The following SCG3 variants were observed in gnomAD, a reference collection of about 807,000 sequenced individuals.
SCG3 encodes secretogranin-3.
A neutral mutation model predicts 56.2 loss-of-function variants in SCG3; 38 were observed. The ratio of observed to expected loss-of-function variants is 0.68; its 90% CI spans 0.52 to 0.89. The LOEUF (loss-of-function observed/expected upper bound fraction) is 0.89. Among genes scored for constraint, SCG3 ranks in the 40% least tolerant of loss-of-function variants. The pLI, the probability that SCG3 is intolerant of heterozygous loss-of-function variation, is 0.00. For synonymous variants in SCG3, 176 were observed against 184.2 expected, an observed-to-expected ratio of 0.96 and a Z score of 0.36; for missense variants, 524 against 540.7, an observed-to-expected ratio of 0.97 and a Z score of 0.31.
At chr15:51,682,065 T>A (rs1005430491) in intron 1 of SCG3, among the ~76,000 whole-genome samples, 1 of 152,198 alleles carries the variant, frequency 6.6e-6, no homozygotes, top group Non-Finnish European at 1.5e-5. Context: ...AGATCTTATT[T>A]TGAAAAGGGA....
At chr15:51,686,994 G>C (rs1371185871) in intron 4 of SCG3, among the ~76,000 whole-genome samples, 2 of 152,210 alleles carry the variant, frequency 1.3e-5, no homozygotes, top group African/African-American at 4.8e-5. Flanking sequence ...TGGAAGAAAA[G>C]AGCAGAATCA....
chr15:51,692,053 A>G (rs549052226), intron 6 of SCG3, 106 bp from the exon 7 acceptor site: 1 of 1,056,514 alleles, frequency 9.5e-7, no homozygotes, highest in Non-Finnish European at 1.4e-6. Flanking sequence ...AACGAGGGGG[A>G]ATTCTTGCAC....
At chr15:51,715,753 C>T (rs888063268) in intron 11 of SCG3, among the ~76,000 whole-genome samples, 9 of 152,126 alleles carry the variant, frequency 5.9e-5, no homozygotes, top group Admixed American at 3.9e-4. Flanking sequence ...ACAGTAATAG[C>T]CGTGTCATAA....
At chr15:51,689,166 A>C in intron 5 of SCG3, 53 bp from the exon 6 acceptor site, 4 of 1,559,680 alleles carry the variant, frequency 2.6e-6, no homozygotes, top group Non-Finnish European at 3.5e-6. Context: ...ATTATTTTTT[A>C]ATAACAAGAC....
intron 8 of SCG3, among the ~76,000 whole-genome samples, chr15:51,696,557 A>G (rs533338831): frequency 2.0e-5 from 3 of 152,196 alleles, no homozygotes; most frequent in Non-Finnish European, 4.4e-5. Flanking sequence ...TCTCAGATAA[A>G]TAAATAGGAA....
chr15:51,704,262 TATATATATATATATATAA>T (rs1567220886), intron 10 of SCG3, among the ~76,000 whole-genome samples: 31 of 135,004 alleles, frequency 2.3e-4, no homozygotes, highest in African/African-American at 9.3e-4. Context: ...TATATATATA[TATATATATATATATATAA>T]AATAGCTCTT....
At chr15:51,707,344 T>C (rs967164022) in intron 10 of SCG3, among the ~76,000 whole-genome samples, 4 of 152,200 alleles carry the variant, frequency 2.6e-5, no homozygotes, top group African/African-American at 9.6e-5. Flanking sequence ...TTCCTGTGGA[T>C]ACACTTATTT....
chr15:51,693,158 C>T lies in SCG3; in HGVS notation c.868+822C>T, dbSNP rs540652908. 16 of 152,232 alleles carry T rather than the reference C, an allele frequency of 1.1e-4. No individual in the cohort carries two copies. The East Asian group carries it at 2.3e-3, about 22-fold the overall frequency. The allele number at this position is 152,232 out of a possible 1,614,324, so 9.4% of individuals were successfully genotyped here. On this transcript the variant is annotated intron_variant, in intron 7 of 11. Coordinates refer to ENST00000220478, the MANE Select transcript of SCG3 (RefSeq NM_013243.4). ...ACAGTATTTGTCTTTCTTTGCCTGC[C>T]TTTTTTTATTAGCATACATGTTGTC...
At chr15:51,713,465 T>C in intron 11 of SCG3, 52 bp downstream of exon 11, 1 of 1,214,530 alleles carries the variant, frequency 8.2e-7, no homozygotes, top group African/African-American at 1.5e-5. Context: ...TGTCAGGGGC[T>C]CTTGTTATAT....
chr15:51,706,781 CA>C (rs1445337934), intron 10 of SCG3, among the ~76,000 whole-genome samples: 1 of 151,978 alleles, frequency 6.6e-6, no homozygotes, highest in Admixed American at 6.6e-5. Flanking sequence ...ATGTAAAAAA[CA>C]GCCAACTTCA....
At chr15:51,697,622 A>C (rs2141568260) in intron 8 of SCG3, among the ~76,000 whole-genome samples, 1 of 152,346 alleles carries the variant, frequency 6.6e-6, no homozygotes, top group South Asian at 2.1e-4. Context: ...GGAGCAAAGC[A>C]GTGAAAATAG....
At position 51,718,552 on chromosome 15, in the gene SCG3, T is replaced by G. The variant is rs539253307; in HGVS notation, c.1289-856T>G. Among the ~76,000 whole-genome samples, 3 of 152,126 alleles carry G rather than the reference T, an allele frequency of 2.0e-5. No individual in the cohort carries two copies. The South Asian group carries it at 6.2e-4, about 32-fold the overall frequency. On this transcript the variant is annotated intron_variant, in intron 11 of 11. Transcript: ENST00000220478. ...TTTATACCCACTCTCTCCTTTCTCT[T>G]CTCCTCACCAACTAACAGAAAGCAG...
In SCG3 at chr15:51,714,624, C is replaced by G. The variant is rs1311731447; in HGVS notation, c.1288+1211C>G. Among the ~76,000 whole-genome samples the G allele has an allele frequency of 2.0e-5, 3 of 152,348 alleles. No homozygotes were observed. The East Asian group carries it at 5.8e-4, about 29-fold the overall frequency. On this transcript the variant is annotated intron_variant, in intron 11 of 11. Coordinates refer to ENST00000220478, the MANE Select transcript of SCG3 (RefSeq NM_013243.4). ...TCCCACTGCCCAGGCTGCACTGCAG[C>G]ACCACTAAATCAGAAATTCTGGGGA...
At chr15:51,713,612 C>T (rs1355826336) in intron 11 of SCG3, among the ~76,000 whole-genome samples, 199 bp downstream of exon 11, 3 of 152,188 alleles carry the variant, frequency 2.0e-5, no homozygotes, top group South Asian at 2.1e-4. Context: ...CAAGCAAAGG[C>T]GTTTTCTTTT....
chr15:51,716,231 T>C (rs939239723), intron 11 of SCG3, among the ~76,000 whole-genome samples: 1 of 152,200 alleles, frequency 6.6e-6, no homozygotes, highest in African/African-American at 2.4e-5. Context: ...ATTAAAGATG[T>C]TGACACTGCA....
chr15:51,682,694 G>A (rs2141555703), intron 2 of SCG3, 125 bp downstream of exon 2: 1 of 629,498 alleles, frequency 1.6e-6, no homozygotes. Flanking sequence ...ATAGTTAATT[G>A]ACAGAAATTA....
intron 10 of SCG3, among the ~76,000 whole-genome samples, chr15:51,712,379 C>G (rs1443951071): frequency 6.6e-6 from 1 of 152,108 alleles, no homozygotes; most frequent in African/African-American, 2.4e-5. Flanking sequence ...TTCTAGAGCA[C>G]CTGGTTTCTT....
At chr15:51,688,809 C>T (rs557620131) in intron 5 of SCG3, among the ~76,000 whole-genome samples, 1 of 152,294 alleles carries the variant, frequency 6.6e-6, no homozygotes, top group South Asian at 2.1e-4. Flanking sequence ...ATTTTTGAAA[C>T]TCCAGGTGAT....
Position 51,720,226 on chromosome 15 carries a change from A to AT in SCG3, c.*700_*701insT, listed in dbSNP as rs1355279283. On this transcript the variant is annotated 3_prime_UTR_variant, in exon 12 of 12. Transcript: ENST00000220478. ...TCTCTAAGAAGACAAATGAGGTCAT[A>AT]AACACTGCATAAAGCAAGGCAAAAA... is the stretch of plus-strand genomic sequence containing the variant. The AT allele has an allele frequency of 6.6e-6, 1 of 152,298 alleles. No individual in the cohort carries two copies. The highest frequency in any genetic ancestry group is 1.9e-4 in the East Asian group (1 of 5,202). 9.4% of individuals were successfully genotyped at this position (152,298 alleles called of 1,614,324 possible). A position where few individuals can be genotyped will look rare whatever the true frequency, so the allele number is the denominator to read the frequency against.
Sources: allele counts gnomAD v4.1 joint callset (sites outside exome capture counted in the v4.1 genomes callset), GRCh38; gene constraint gnomAD v4.1.1; transcripts MANE v1.5; gene names NCBI Gene and HGNC (gene_info 2026-07-23, HGNC 2026-07-21).